Variants in SLC9A4 observed in about 807,000 individuals in gnomAD.
The protein encoded by SLC9A4 is sodium/hydrogen exchanger 4.
Under a neutral mutation model 67.4 loss-of-function variants are expected in SLC9A4, and 63 were observed. The observed-to-expected ratio is 0.93, with a 90% CI of 0.76 to 1.15. The LOEUF is 1.15. Among genes scored for constraint, SLC9A4 ranks in the 50% most tolerant of loss-of-function variants. The probability of loss-of-function intolerance (pLI) is 0.00; values close to 1 mark genes in which losing one functional copy is unlikely to be tolerated. For missense variants in SLC9A4, 1,089 were observed against 987.7 expected (o/e 1.10, Z -1.38); for synonymous variants, 393 against 367.2 (o/e 1.07, Z -0.80).
At chr2:102,519,145 C>A (rs1449744656) in intron 8 of SLC9A4, among the ~76,000 whole-genome samples, 1 of 152,146 alleles carries the variant, frequency 6.6e-6, no homozygotes, top group Non-Finnish European at 1.5e-5. Context: ...CAGGCATAAC[C>A]CGTTTTTTAA....
chr2:102,489,753 C>T (rs7596181), intron 2 of SLC9A4, among the ~76,000 whole-genome samples: 9,282 of 152,216 alleles, frequency 0.061, 883 homozygotes, highest in African/African-American at 0.2. Flanking sequence ...TCCTGGGCTT[C>T]AGGTCTTTTT....
chr2:102,516,272 C>T (rs1056576209), intron 8 of SLC9A4, among the ~76,000 whole-genome samples: 25 of 151,802 alleles, frequency 1.6e-4, no homozygotes, highest in African/African-American at 6.0e-4. Flanking sequence ...TTTTTTTCCT[C>T]GTACACCCCA....
At chr2:102,516,125 G>A (rs1177423062) in intron 8 of SLC9A4, among the ~76,000 whole-genome samples, 2 of 152,166 alleles carry the variant, frequency 1.3e-5, no homozygotes, top group Non-Finnish European at 2.9e-5. Context: ...TCAGTCATAA[G>A]CATTTGCCTT....
At chr2:102,521,021 C>A (rs1006592983) in intron 9 of SLC9A4, among the ~76,000 whole-genome samples, 1 of 152,222 alleles carries the variant, frequency 6.6e-6, no homozygotes, top group African/African-American at 2.4e-5. Flanking sequence ...GAGTAAATTC[C>A]ATGGCTTTCA....
intron 11 of SLC9A4, among the ~76,000 whole-genome samples, chr2:102,529,112 G>T (rs528485611): frequency 3.9e-5 from 6 of 152,286 alleles, no homozygotes; most frequent in Admixed American, 2.6e-4. Flanking sequence ...ACTACTTAGG[G>T]ACTTAAAGAA....
At chr2:102,484,899 C>T (rs1242069866) in intron 2 of SLC9A4, among the ~76,000 whole-genome samples, 2 of 152,174 alleles carry the variant, frequency 1.3e-5, no homozygotes, top group Non-Finnish European at 2.9e-5. Context: ...CCCTCCTACT[C>T]TTGCTCCCTC....
In SLC9A4 at chr2:102,479,259, T is replaced by C; in HGVS notation, c.677T>C (p.Met226Thr). 1.2e-6 allele frequency: 2 copies of C among 1,613,842 alleles called. No homozygotes were observed. Among genetic ancestry groups the C allele is most frequent in the Non-Finnish European group, 1.7e-6 (2 of 1,179,938 alleles). ...GCGCGCGTGAACGAGCAGCTCTACATGATGATCTTTGGGGAGGCCCTGCTC... is the reference window on the plus strand; with the variant it reads ...GCGCGCGTGAACGAGCAGCTCTACACGATGATCTTTGGGGAGGCCCTGCTC... ...EEARVNEQLY[M>T]MIFGEALLND... is the part of the protein sequence containing the mutation. Residue 226 changes from methionine (M) to threonine (T), a missense_variant, in exon 2 of 12, where the codon ATG becomes ACG. Coordinates refer to ENST00000295269, the MANE Select transcript of SLC9A4 (RefSeq NM_001011552.4).
chr2:102,497,742 T>C (rs774369867), intron 2 of SLC9A4, among the ~76,000 whole-genome samples: 10 of 152,242 alleles, frequency 6.6e-5, no homozygotes, highest in Non-Finnish European at 1.2e-4. Flanking sequence ...ATATCTTGAC[T>C]ATGGCGATGG....
chr2:102,512,442 T>C (rs1011214141), intron 7 of SLC9A4, among the ~76,000 whole-genome samples, 169 bp downstream of exon 7: 2 of 152,064 alleles, frequency 1.3e-5, no homozygotes, highest in African/African-American at 2.4e-5. Context: ...GCCTGGAAAA[T>C]GAAGAATTGT....
intron 2 of SLC9A4, among the ~76,000 whole-genome samples, chr2:102,481,426 C>T (rs1051499461): frequency 2.0e-5 from 3 of 152,174 alleles, no homozygotes; most frequent in Non-Finnish European, 4.4e-5. Flanking sequence ...GACTCTGTCA[C>T]ATGCTGTACA....
intron 2 of SLC9A4, among the ~76,000 whole-genome samples, chr2:102,493,703 C>T (rs1418218344): frequency 6.6e-6 from 1 of 151,746 alleles, no homozygotes; most frequent in Non-Finnish European, 1.5e-5. Context: ...ACTCAATTAT[C>T]CTTTCCCTAC....
In SLC9A4 at chr2:102,479,129, G is replaced by C; in HGVS notation, c.547G>C (p.Val183Leu). The C allele has an allele frequency of 6.2e-7, 1 of 1,614,186 alleles. No homozygotes were observed. Among genetic ancestry groups the C allele is most frequent in the Non-Finnish European group, 8.5e-7 (1 of 1,180,022 alleles). Residue 183 changes from valine to leucine, a missense_variant, in exon 2 of 12, where the codon GTG becomes CTG. Transcript: ENST00000295269. The part of the protein sequence containing the change: ...IGLSLYLICQ[V>L]KAFGLGDVNL... The stretch of plus-strand genomic sequence containing the variant: ...CCTCTCCCTCTACCTCATCTGCCAG[G>C]TGAAGGCCTTTGGCCTGGGCGACGT...
At chr2:102,484,649 G>A (rs6719296) in intron 2 of SLC9A4, among the ~76,000 whole-genome samples, 72,926 of 151,932 alleles carry the variant, frequency 0.48, 18,252 homozygotes, top group Admixed American at 0.57. Context: ...CAGATGGGAG[G>A]GCGGATTGTT....
chr2:102,493,447 G>A (rs988120506), intron 2 of SLC9A4, among the ~76,000 whole-genome samples: 13 of 151,846 alleles, frequency 8.6e-5, no homozygotes, highest in Admixed American at 3.9e-4. Context: ...ACAAAGTCAC[G>A]TCTTACATGG....
intron 2 of SLC9A4, among the ~76,000 whole-genome samples, chr2:102,496,873 G>A (rs373494127): frequency 1.3e-5 from 2 of 152,226 alleles, no homozygotes; most frequent in Non-Finnish European, 2.9e-5. Flanking sequence ...TCCAAGATGA[G>A]GTTGCTTCAG....
chr2:102,524,586 T>G (rs1024800), intron 9 of SLC9A4, among the ~76,000 whole-genome samples: 410 of 69,504 alleles, frequency 5.9e-3, no homozygotes, highest in Non-Finnish European at 7.8e-3. Flanking sequence ...GTGTGTGTGT[T>G]TGTGTGCTTG....
intron 2 of SLC9A4, among the ~76,000 whole-genome samples, chr2:102,488,373 C>G (rs1684630176): frequency 6.6e-6 from 1 of 152,120 alleles, no homozygotes; most frequent in Admixed American, 6.5e-5. Flanking sequence ...ACCTGTTACA[C>G]AGGCCTGGAT....
rs1684393445 is a variant in SLC9A4, at chr2:102,478,978, G to A, written c.396G>A (p.Leu132=). 2.5e-6 allele frequency: 4 copies of A among 1,614,020 alleles called. No homozygotes were observed. The East Asian group carries it at 8.9e-5, about 36-fold the overall frequency. Residue 132 remains leucine, a synonymous_variant, in exon 2 of 12, where the codon CTG becomes CTA. Coordinates refer to ENST00000295269, the MANE Select transcript of SLC9A4 (RefSeq NM_001011552.4). ...PPVMDSSIYF[L]YLLPPIVLEG... ...TCATGGACTCCAGCATCTACTTCCT[G>A]TATCTCCTGCCACCCATCGTTCTGG... is the stretch of plus-strand genomic sequence containing the variant.
chr2:102,519,176 G>C (rs1191554944), intron 8 of SLC9A4, among the ~76,000 whole-genome samples: 1 of 152,120 alleles, frequency 6.6e-6, no homozygotes, highest in African/African-American at 2.4e-5. Flanking sequence ...AGGTGGGAAG[G>C]GGTCACAGTG....
Sources: allele counts gnomAD v4.1 joint callset (sites outside exome capture counted in the v4.1 genomes callset), GRCh38; gene constraint gnomAD v4.1.1; transcripts MANE v1.5; gene names NCBI Gene and HGNC (gene_info 2026-07-23, HGNC 2026-07-21).